LRP1B: variants seen among roughly 807,000 people sequenced by gnomAD.
LRP1B encodes the protein LDL receptor related protein 1B.
In LRP1B, 217 loss-of-function variants were observed where a neutral mutation model predicts 556.6. The observed-to-expected ratio is 0.39, with a 90% CI of 0.35 to 0.44. The LOEUF (loss-of-function observed/expected upper bound fraction) is 0.44. Among genes scored for constraint, LRP1B ranks in the 20% least tolerant of loss-of-function variants. LRP1B has a pLI of 1.00. For synonymous variants in LRP1B, 2,047 were observed against 1,865.8 expected (o/e 1.10, Z -2.50); for missense variants, 5,053 against 5,620.8 (o/e 0.90, Z 3.23).
At chr2:140,595,858 C>A (rs769524425) in intron 43 of LRP1B, among the ~76,000 whole-genome samples, 9 of 152,088 alleles carry the variant, frequency 5.9e-5, no homozygotes, top group Non-Finnish European at 1.3e-4. Context: ...TTTAACATTG[C>A]ATAAAAAGTA....
chr2:141,479,815 G>T (rs1200822784), intron 3 of LRP1B, among the ~76,000 whole-genome samples: 3 of 151,996 alleles, frequency 2.0e-5, no homozygotes, highest in African/African-American at 7.3e-5. Flanking sequence ...TTAATTTTTA[G>T]ATTTTAATTA....
At chr2:141,824,231 A>G (rs1450557169) in intron 1 of LRP1B, among the ~76,000 whole-genome samples, 5 of 152,184 alleles carry the variant, frequency 3.3e-5, no homozygotes, top group Non-Finnish European at 5.9e-5. Flanking sequence ...ATTTTATTCA[A>G]TGCTTACAAA....
intron 1 of LRP1B, among the ~76,000 whole-genome samples, chr2:141,924,221 G>A: frequency 6.6e-6 from 1 of 151,956 alleles, no homozygotes; most frequent in East Asian, 2.0e-4. Flanking sequence ...CGGTGTAGCA[G>A]GGAAAGAGAG....
At chr2:140,532,363 A>T (rs1690733044) in intron 47 of LRP1B, among the ~76,000 whole-genome samples, 1 of 144,522 alleles carries the variant, frequency 6.9e-6, no homozygotes, top group Admixed American at 6.8e-5. Context: ...TCCTTCCCAT[A>T]CCTTCTCTGT....
At chr2:140,839,956 T>A in intron 31 of LRP1B, 35 bp downstream of exon 31, 1 of 1,309,302 alleles carries the variant, frequency 7.6e-7, no homozygotes, top group Non-Finnish European at 1.1e-6. Context: ...GTTTGTCACA[T>A]TGAAAACTTG....
At chr2:141,206,123 T>C (rs1209583290) in intron 6 of LRP1B, among the ~76,000 whole-genome samples, 1 of 124,064 alleles carries the variant, frequency 8.1e-6, no homozygotes, top group Non-Finnish European at 1.7e-5. Context: ...TGTGAGGAAG[T>C]GTACTATTCA....
At chr2:141,007,899 T>C (rs990238351) in intron 14 of LRP1B, among the ~76,000 whole-genome samples, 1 of 151,672 alleles carries the variant, frequency 6.6e-6, no homozygotes, top group Admixed American at 6.6e-5. Context: ...GAATACTACA[T>C]ATTAAGAGAG....
intron 1 of LRP1B, among the ~76,000 whole-genome samples, chr2:141,993,610 T>A (rs1267102630): frequency 2.1e-5 from 2 of 94,682 alleles, no homozygotes; most frequent in Non-Finnish European, 5.6e-5. Flanking sequence ...TTATCCTATT[T>A]TCTTTATTTC....
At chr2:141,454,068 C>T (rs1429292915) in intron 3 of LRP1B, among the ~76,000 whole-genome samples, 1 of 152,054 alleles carries the variant, frequency 6.6e-6, no homozygotes. Flanking sequence ...AACCTTGCCC[C>T]CAAATATGTA....
intron 2 of LRP1B, among the ~76,000 whole-genome samples, chr2:141,581,403 T>G (rs1034128613): frequency 2.0e-5 from 3 of 152,188 alleles, no homozygotes; most frequent in African/African-American, 7.2e-5. Context: ...ATTGATTACA[T>G]CTTTTATTTT....
intron 1 of LRP1B, among the ~76,000 whole-genome samples, chr2:142,095,324 G>A (rs1164734957): frequency 6.6e-6 from 1 of 151,592 alleles, no homozygotes; most frequent in Non-Finnish European, 1.5e-5. Flanking sequence ...AAGAACCTGT[G>A]ATATGCTATT....
chr2:140,986,664 G>A (rs1024856013), intron 17 of LRP1B, among the ~76,000 whole-genome samples: 7 of 152,114 alleles, frequency 4.6e-5, no homozygotes, highest in Non-Finnish European at 7.4e-5. Context: ...CTCTTCCCAT[G>A]TGCTTCCATG....
intron 83 of LRP1B, among the ~76,000 whole-genome samples, chr2:140,311,508 A>G (rs1684300073): frequency 6.6e-6 from 1 of 151,856 alleles, no homozygotes; most frequent in South Asian, 2.1e-4. Context: ...AATAATAGAC[A>G]TTGGAGAAGT....
intron 1 of LRP1B, 56 bp from the exon 2 acceptor site, chr2:141,810,457 G>T: frequency 6.3e-7 from 1 of 1,577,758 alleles, no homozygotes; most frequent in East Asian, 2.3e-5. Context: ...TGGGCAGAAC[G>T]AGCAGTACAA....
intron 22 of LRP1B, among the ~76,000 whole-genome samples, chr2:140,905,915 T>C (rs893810685): frequency 3.3e-5 from 5 of 152,194 alleles, no homozygotes; most frequent in African/African-American, 1.2e-4. Flanking sequence ...GTTTCTTAAG[T>C]GCAAATCCGT....
At chr2:140,261,150 A>G (rs567313585) in intron 86 of LRP1B, among the ~76,000 whole-genome samples, 61 of 152,028 alleles carry the variant, frequency 4.0e-4, no homozygotes, top group African/African-American at 1.5e-3. Flanking sequence ...TGCTAGTAAC[A>G]ATCTTTGTCT....
At chr2:141,719,330 T>C (rs1403245098) in intron 2 of LRP1B, among the ~76,000 whole-genome samples, 4 of 152,160 alleles carry the variant, frequency 2.6e-5, no homozygotes, top group Non-Finnish European at 5.9e-5. Context: ...TCATTTAGCC[T>C]TACTGGTTAG....
chr2:140,240,649 C>T (rs1680911142), intron 87 of LRP1B, among the ~76,000 whole-genome samples: 1 of 150,824 alleles, frequency 6.6e-6, no homozygotes, highest in African/African-American at 2.4e-5. Context: ...AGGCTTTTAT[C>T]TACTTTGAAT....
At chr2:141,665,515 T>C (rs1052021324) in intron 2 of LRP1B, among the ~76,000 whole-genome samples, 15 of 152,192 alleles carry the variant, frequency 9.9e-5, no homozygotes, top group African/African-American at 3.6e-4. Flanking sequence ...GAAGACAGTG[T>C]GGCGGTTCCC....
Sources: allele counts gnomAD v4.1 joint callset (sites outside exome capture counted in the v4.1 genomes callset), GRCh38; gene constraint gnomAD v4.1.1; transcripts MANE v1.5; gene names NCBI Gene and HGNC (gene_info 2026-07-23, HGNC 2026-07-21).